MARCHF11: variants seen among roughly 807,000 people sequenced by gnomAD.
MARCHF11 encodes the protein E3 ubiquitin-protein ligase MARCHF11.
MARCHF11 carries 29 observed loss-of-function variants against 37.3 expected under a neutral mutation model. That is an observed-to-expected ratio of 0.78 (90% CI 0.58 to 1.06). The LOEUF is 1.06. Among genes scored for constraint, MARCHF11 ranks in the 50% least tolerant of loss-of-function variants. MARCHF11 has a pLI of 0.00. For missense variants in MARCHF11, 482 were observed against 533.4 expected (o/e 0.90, Z 0.95); for synonymous variants, 233 against 228.0 (o/e 1.02, Z -0.20).
chr5:16,096,230 A>G (rs1736866419), intron 2 of MARCHF11, among the ~76,000 whole-genome samples: 1 of 152,242 alleles, frequency 6.6e-6, no homozygotes, highest in African/African-American at 2.4e-5. Context: ...CACCTGCAAA[A>G]GCAGTCCAAC....
chr5:16,104,134 T>C (rs76099310), intron 2 of MARCHF11, among the ~76,000 whole-genome samples: 2,114 of 152,316 alleles, frequency 0.014, 53 homozygotes, highest in African/African-American at 0.048. Flanking sequence ...GCTGCCCAGC[T>C]TCTCGACCCT....
chr5:16,176,886 AT>A (rs1342023842), intron 2 of MARCHF11, among the ~76,000 whole-genome samples: 1 of 152,038 alleles, frequency 6.6e-6, no homozygotes. Context: ...TTTGAACCCT[AT>A]TCTTTTATGT....
In MARCHF11 at chr5:16,141,786, C is replaced by T. The variant is rs192253596; in HGVS notation, c.693+35940G>A. Among the ~76,000 whole-genome samples, 444 of 152,274 alleles carry T rather than the reference C, an allele frequency of 2.9e-3. 6 individuals are homozygous for T. The highest frequency in any genetic ancestry group is 9.7e-3 in the African/African-American group (402 of 41,554). ...AAAACAAAAACAAAAACAAAAAACA[C>T]ATGAGAACACTACATGCTGACCCTG... On this transcript the variant is annotated intron_variant, in intron 2 of 3. Transcript: ENST00000332432.
chr5:16,098,004 G>A (rs1476640185), intron 2 of MARCHF11, among the ~76,000 whole-genome samples: 1 of 152,120 alleles, frequency 6.6e-6, no homozygotes, highest in African/African-American at 2.4e-5. Context: ...GAGTGAGTGA[G>A]GTTCACCCTA....
chr5:16,150,920 C>T (rs1379762565), intron 2 of MARCHF11, among the ~76,000 whole-genome samples: 1 of 152,040 alleles, frequency 6.6e-6, no homozygotes, highest in African/African-American at 2.4e-5. Flanking sequence ...TGCCTCTACA[C>T]CCATTCAGAT....
intron 3 of MARCHF11, among the ~76,000 whole-genome samples, chr5:16,076,290 T>A (rs1736516773): frequency 6.6e-6 from 1 of 151,562 alleles, no homozygotes; most frequent in African/African-American, 2.5e-5. Flanking sequence ...TATATCTTTT[T>A]TATCATTTTT....
chr5:16,082,103 G>A (rs565730836), intron 3 of MARCHF11, among the ~76,000 whole-genome samples: 1 of 152,296 alleles, frequency 6.6e-6, no homozygotes, highest in South Asian at 2.1e-4. Flanking sequence ...AGGATAAAGC[G>A]TTGTTTCTCC....
At chr5:16,159,222 T>A (rs186950) in intron 2 of MARCHF11, among the ~76,000 whole-genome samples, 133,107 of 151,888 alleles carry the variant, frequency 0.88, 59,146 homozygotes, top group Non-Finnish European at 0.94. Context: ...TAATAAGTTT[T>A]ATGGACACAC....
intron 2 of MARCHF11, among the ~76,000 whole-genome samples, chr5:16,123,786 T>C (rs1460496794): frequency 1.3e-5 from 2 of 152,180 alleles, no homozygotes; most frequent in Non-Finnish European, 2.9e-5. Flanking sequence ...GAATGAAAGA[T>C]GGATTTGCAA....
At chr5:16,136,596 G>A (rs972367597) in intron 2 of MARCHF11, among the ~76,000 whole-genome samples, 2 of 152,180 alleles carry the variant, frequency 1.3e-5, no homozygotes, top group African/African-American at 4.8e-5. Flanking sequence ...ATAGAAATGG[G>A]CTATGCTATG....
chr5:16,152,597 C>A (rs944218928), intron 2 of MARCHF11, among the ~76,000 whole-genome samples: 1 of 151,944 alleles, frequency 6.6e-6, no homozygotes, highest in African/African-American at 2.4e-5. Context: ...TTTAGAGACA[C>A]AAATGGAGCC....
intron 2 of MARCHF11, among the ~76,000 whole-genome samples, chr5:16,160,295 T>G (rs1738049165): frequency 8.2e-6 from 1 of 122,270 alleles, no homozygotes; most frequent in Non-Finnish European, 1.7e-5. Context: ...AATATTTATA[T>G]TTATATATTT....
At chr5:16,161,808 A>G (rs929943995) in intron 2 of MARCHF11, among the ~76,000 whole-genome samples, 5 of 151,888 alleles carry the variant, frequency 3.3e-5, no homozygotes, top group Non-Finnish European at 7.4e-5. Context: ...ATATCTCCCA[A>G]TTATATTATC....
chr5:16,076,184 C>A (rs1382162821), intron 3 of MARCHF11, among the ~76,000 whole-genome samples: 2 of 152,196 alleles, frequency 1.3e-5, no homozygotes, highest in Non-Finnish European at 2.9e-5. Flanking sequence ...ATCTCCTGAT[C>A]TTTTAATTAG....
At chr5:16,077,763 A>G (rs1013284245) in intron 3 of MARCHF11, among the ~76,000 whole-genome samples, 6 of 152,196 alleles carry the variant, frequency 3.9e-5, no homozygotes, top group African/African-American at 1.4e-4. Context: ...GATTCTTTAC[A>G]TAGATAATTC....
intron 2 of MARCHF11, among the ~76,000 whole-genome samples, chr5:16,156,066 G>T (rs1170630686): frequency 1.3e-5 from 2 of 151,910 alleles, no homozygotes; most frequent in East Asian, 3.9e-4. Context: ...ACTGCAGTTT[G>T]CTATGCTATC....
At chr5:16,143,338 T>C (rs1157633453) in intron 2 of MARCHF11, among the ~76,000 whole-genome samples, 1 of 152,136 alleles carries the variant, frequency 6.6e-6, no homozygotes, top group Non-Finnish European at 1.5e-5. Context: ...CCTCATTTCC[T>C]ATTTGCCAGT....
At position 16,110,218 on chromosome 5, in the gene MARCHF11, A is replaced by T. The variant is rs576846456; in HGVS notation, c.694-19137T>A. Among the ~76,000 whole-genome samples the T allele has an allele frequency of 9.2e-5, 14 of 152,304 alleles. No individual in the cohort carries two copies. The East Asian group carries it at 9.6e-4, about 10-fold the overall frequency. On this transcript the variant is annotated intron_variant, in intron 2 of 3. Coordinates refer to ENST00000332432, the MANE Select transcript of MARCHF11 (RefSeq NM_001102562.3). ...TGGGCAAATTATATTCAGATTTTTT[A>T]AAATTTAGAAAATTTTATAATATAT...
At chr5:16,107,178 C>A (rs1418636315) in intron 2 of MARCHF11, among the ~76,000 whole-genome samples, 1 of 152,164 alleles carries the variant, frequency 6.6e-6, no homozygotes, top group Admixed American at 6.5e-5. Context: ...ACAGCTGAAC[C>A]ACCTTATAAG....
Sources: allele counts gnomAD v4.1 joint callset (sites outside exome capture counted in the v4.1 genomes callset), GRCh38; gene constraint gnomAD v4.1.1; transcripts MANE v1.5; gene names NCBI Gene and HGNC (gene_info 2026-07-23, HGNC 2026-07-21).